OR9Q1: variants seen among roughly 807,000 people sequenced by gnomAD.
The protein encoded by OR9Q1 is olfactory receptor family 9 subfamily Q member 1.
For missense variants in OR9Q1, 374 were observed against 378.8 expected, an observed-to-expected ratio of 0.99 and a Z score of 0.11; for synonymous variants, 153 against 148.6, an observed-to-expected ratio of 1.03 and a Z score of -0.22.
At chr11:58,084,349 G>T (rs1853615508) in intron 2 of OR9Q1, among the ~76,000 whole-genome samples, 1 of 151,688 alleles carries the variant, frequency 6.6e-6, no homozygotes, top group African/African-American at 2.4e-5. Context: ...ATTAGCATTT[G>T]TACATCTTTA....
intron 2 of OR9Q1, among the ~76,000 whole-genome samples, chr11:58,150,967 C>T (rs1254784130): frequency 6.6e-6 from 1 of 152,086 alleles, no homozygotes; most frequent in Non-Finnish European, 1.5e-5. Flanking sequence ...GGTATGATAC[C>T]TAAAAAATCA....
intron 1 of OR9Q1, among the ~76,000 whole-genome samples, chr11:58,055,019 A>G (rs1428110027): frequency 6.6e-6 from 1 of 152,198 alleles, no homozygotes; most frequent in Non-Finnish European, 1.5e-5. Context: ...TAAGAACTAG[A>G]GGATGAAGTT....
chr11:58,047,218 G>C (rs1438981922), intron 1 of OR9Q1: 1 of 151,972 alleles, frequency 6.6e-6, no homozygotes, highest in Non-Finnish European at 1.5e-5. Flanking sequence ...ACCCCTTTTT[G>C]ACCCAGTATC....
At chr11:58,046,088 A>G (rs1474958514) in intron 1 of OR9Q1, among the ~76,000 whole-genome samples, 1 of 152,194 alleles carries the variant, frequency 6.6e-6, no homozygotes, top group Non-Finnish European at 1.5e-5. Context: ...GAAAGGTCTG[A>G]TGCATGGATT....
chr11:58,143,949 C>T (rs190161641), intron 2 of OR9Q1, among the ~76,000 whole-genome samples: 3 of 152,192 alleles, frequency 2.0e-5, no homozygotes, highest in Middle Eastern at 3.4e-3. Context: ...ATGTAAAGTG[C>T]TTTACAAATC....
intron 2 of OR9Q1, among the ~76,000 whole-genome samples, chr11:58,132,420 T>G (rs1854149859): frequency 6.6e-6 from 1 of 152,206 alleles, no homozygotes; most frequent in Non-Finnish European, 1.5e-5. Context: ...GAGCCTCGGT[T>G]TCCTCAGTTG....
chr11:58,173,075 G>T (rs1412591314), intron 2 of OR9Q1, among the ~76,000 whole-genome samples: 1 of 152,018 alleles, frequency 6.6e-6, no homozygotes, highest in African/African-American at 2.4e-5. Context: ...TTACATTTAG[G>T]ATTAAAGTAC....
At chr11:58,115,889 C>T (rs1296442551) in intron 2 of OR9Q1, among the ~76,000 whole-genome samples, 4 of 152,124 alleles carry the variant, frequency 2.6e-5, no homozygotes, top group South Asian at 2.1e-4. Flanking sequence ...CTATGAAGTT[C>T]TCCCCTTTCA....
At chr11:58,070,435 C>T (rs1200148405) in intron 2 of OR9Q1, among the ~76,000 whole-genome samples, 1 of 152,144 alleles carries the variant, frequency 6.6e-6, no homozygotes, top group Non-Finnish European at 1.5e-5. Flanking sequence ...CACCACCCCA[C>T]ACACTCCTAG....
At chr11:58,087,190 AG>A (rs1853641663) in intron 2 of OR9Q1, among the ~76,000 whole-genome samples, 1 of 151,808 alleles carries the variant, frequency 6.6e-6, no homozygotes, top group African/African-American at 2.4e-5. Flanking sequence ...TCATTTTTGA[AG>A]TATAACATTC....
intron 2 of OR9Q1, among the ~76,000 whole-genome samples, chr11:58,142,281 C>G (rs1182262205): frequency 6.6e-6 from 1 of 151,892 alleles, no homozygotes; most frequent in Non-Finnish European, 1.5e-5. Flanking sequence ...AAGGCAGGAC[C>G]CTTTGTTTTG....
Position 58,053,262 on chromosome 11 carries a change from G to A in OR9Q1, c.-92-2608G>A, listed in dbSNP as rs948018090. Reference sequence around the variant, plus strand: ...GCACATATTCACCGTGGAATACTATGTAGCCATAAAAAATGATGAGTTCAT... The same window carrying A: ...GCACATATTCACCGTGGAATACTATATAGCCATAAAAAATGATGAGTTCAT... On this transcript the variant is annotated intron_variant, in intron 1 of 2. Transcript: ENST00000335397. Among the ~76,000 whole-genome samples the A allele has an allele frequency of 1.6e-3, 237 of 151,908 alleles. 1 individual carries two copies. Among genetic ancestry groups the A allele is most frequent in the Non-Finnish European group, 2.7e-3 (182 of 67,984 alleles).
rs1853978899 is a variant in OR9Q1, at chr11:58,118,291, T to C, written c.-14-61140T>C. Reference sequence around the variant, plus strand: ...AGACTGCCCAGTGCTAAGGAATGGATTGAAAGTGGAAGAAGGGGATAAGAA... The same window carrying C: ...AGACTGCCCAGTGCTAAGGAATGGACTGAAAGTGGAAGAAGGGGATAAGAA... On this transcript the variant is annotated intron_variant, in intron 2 of 2. Transcript: ENST00000335397. 4.2e-5 allele frequency: 21 copies of C among 502,594 alleles called. No homozygotes were observed. The East Asian group carries it at 6.6e-4, about 16-fold the overall frequency. The allele number at this position is 502,594 out of a possible 1,614,324, so 31.1% of individuals were successfully genotyped here. A position where few individuals can be genotyped will look rare whatever the true frequency, so the allele number is the denominator to read the frequency against.
chr11:58,157,643 G>A (rs951628220), intron 2 of OR9Q1, among the ~76,000 whole-genome samples: 1 of 152,214 alleles, frequency 6.6e-6, no homozygotes, highest in African/African-American at 2.4e-5. Flanking sequence ...CATCAGGCTT[G>A]TAAGTTCTGT....
chr11:58,079,516 C>A (rs779933549), intron 2 of OR9Q1, among the ~76,000 whole-genome samples: 1 of 152,104 alleles, frequency 6.6e-6, no homozygotes, highest in East Asian at 1.9e-4. Context: ...AAGCAACTCT[C>A]ATCGAAAGAC....
intron 2 of OR9Q1, among the ~76,000 whole-genome samples, chr11:58,084,025 T>C (rs1245423264): frequency 6.6e-6 from 1 of 151,968 alleles, no homozygotes; most frequent in African/African-American, 2.4e-5. Flanking sequence ...AAGAATAGCA[T>C]TGGATCTGTA....
intron 1 of OR9Q1, among the ~76,000 whole-genome samples, chr11:58,052,969 G>A (rs1253007969): frequency 6.6e-6 from 1 of 151,396 alleles, no homozygotes; most frequent in Non-Finnish European, 1.5e-5. Context: ...GAGAGGATGT[G>A]GAGAAATAGG....
chr11:58,093,867 C>T, intron 2 of OR9Q1, among the ~76,000 whole-genome samples: 1 of 151,610 alleles, frequency 6.6e-6, no homozygotes, highest in East Asian at 1.9e-4. Context: ...TTAGCACAAC[C>T]TCTAGAAAAA....
intron 2 of OR9Q1, among the ~76,000 whole-genome samples, chr11:58,173,276 TCCCTCCC>T (rs1339859513): frequency 8.4e-6 from 1 of 118,928 alleles, no homozygotes; most frequent in Non-Finnish European, 1.7e-5. Flanking sequence ...CCTAATGCTA[TCCCTCCC>T]CCCTCCCCCC....
Sources: allele counts gnomAD v4.1 joint callset (sites outside exome capture counted in the v4.1 genomes callset), GRCh38; gene constraint gnomAD v4.1.1; transcripts MANE v1.5; gene names NCBI Gene and HGNC (gene_info 2026-07-23, HGNC 2026-07-21).